SLC8A3: variants seen among roughly 807,000 people sequenced by gnomAD.
SLC8A3 encodes the protein solute carrier family 8 member A3, also known as sodium/calcium exchanger 3.
A neutral mutation model predicts 65.4 loss-of-function variants in SLC8A3; 37 were observed. The ratio of observed to expected loss-of-function variants is 0.57; its 90% CI spans 0.44 to 0.74. SLC8A3 has a LOEUF of 0.74. Among genes scored for constraint, SLC8A3 ranks in the 30% least tolerant of loss-of-function variants. The probability of loss-of-function intolerance (pLI) is 0.00; values close to 1 mark genes in which losing one functional copy is unlikely to be tolerated. For synonymous variants in SLC8A3, 461 were observed against 444.5 expected, an observed-to-expected ratio of 1.04 and a Z score of -0.47; for missense variants, 1,112 against 1,172.1, an observed-to-expected ratio of 0.95 and a Z score of 0.75.
chr14:70,055,563 T>C (rs1039058785), intron 3 of SLC8A3, among the ~76,000 whole-genome samples: 4 of 152,206 alleles, frequency 2.6e-5, no homozygotes, highest in African/African-American at 9.7e-5. Context: ...GGATCAGCTA[T>C]GCCTTAACCC....
At chr14:70,143,781 C>G (rs1895724088) in intron 2 of SLC8A3, among the ~76,000 whole-genome samples, 1 of 152,128 alleles carries the variant, frequency 6.6e-6, no homozygotes, top group Non-Finnish European at 1.5e-5. Flanking sequence ...TTCCAGAATC[C>G]CATACCCCTC....
chr14:70,046,322 A>G lies in SLC8A3; in HGVS notation c.2391T>C (p.Asp797=), dbSNP rs1410898685. 1 of 1,602,326 alleles carries G rather than the reference A, an allele frequency of 6.2e-7. No individual in the cohort carries two copies. The highest frequency in any genetic ancestry group is 8.5e-7 in the Non-Finnish European group (1 of 1,173,142). ...GGGCAGCAGCTTTGCTGGCAAACGT[A>G]TCTGGAAAAGGACAAAGACACATGG... ...VFVAFGTSVP[D]TFASKAAALQ... Residue 797 remains aspartate (D), a splice_region_variant and synonymous_variant, in exon 7 of 7, where the codon GAT becomes GAC. Transcript: ENST00000356921. This position sits in a 1 kb window ranked among gnomAD's most constrained non-coding sequence, Gnocchi z 4.2.
chr14:70,093,525 T>TTTG (rs750009641), intron 2 of SLC8A3, among the ~76,000 whole-genome samples: 2 of 152,206 alleles, frequency 1.3e-5, no homozygotes, highest in African/African-American at 2.4e-5. Context: ...ACGGCAACAC[T>TTTG]TTGTTGTTGT....
At chr14:70,057,854 C>T (rs1405714954) in intron 3 of SLC8A3, among the ~76,000 whole-genome samples, 1 of 151,940 alleles carries the variant, frequency 6.6e-6, no homozygotes, top group Non-Finnish European at 1.5e-5. Flanking sequence ...CCACGGTTGT[C>T]GAAAAAGGAG....
chr14:70,062,572 G>T (rs1199996647), intron 2 of SLC8A3, among the ~76,000 whole-genome samples: 2 of 152,184 alleles, frequency 1.3e-5, no homozygotes, highest in African/African-American at 4.8e-5. Flanking sequence ...CACCATCTAG[G>T]TTTGTGAAAG....
At chr14:70,084,500 G>C (rs1891284504) in intron 2 of SLC8A3, among the ~76,000 whole-genome samples, 1 of 152,132 alleles carries the variant, frequency 6.6e-6, no homozygotes, top group African/African-American at 2.4e-5. Flanking sequence ...CTCACACTCT[G>C]TTTAGTCAAG....
chr14:70,054,662 T>C (rs1397447244), intron 3 of SLC8A3, among the ~76,000 whole-genome samples: 1 of 152,104 alleles, frequency 6.6e-6, no homozygotes, highest in Admixed American at 6.5e-5. Context: ...GGATAGCCCT[T>C]ATTTTGTTGG....
At chr14:70,175,214 A>T (rs980560872) in intron 1 of SLC8A3, among the ~76,000 whole-genome samples, 4 of 152,172 alleles carry the variant, frequency 2.6e-5, no homozygotes, top group Non-Finnish European at 5.9e-5. Flanking sequence ...AACAGCAATG[A>T]TCATATATAT....
intron 2 of SLC8A3, among the ~76,000 whole-genome samples, chr14:70,163,971 C>A (rs1269626290): frequency 1.3e-5 from 2 of 152,174 alleles, no homozygotes; most frequent in African/African-American, 4.8e-5. Context: ...TAACCCCAAA[C>A]TGGCATGCTC....
At chr14:70,111,029 A>T (rs1349985176) in intron 2 of SLC8A3, among the ~76,000 whole-genome samples, 1 of 152,186 alleles carries the variant, frequency 6.6e-6, no homozygotes. Context: ...GTACATACCC[A>T]GCAGTGGGAT....
intron 2 of SLC8A3, among the ~76,000 whole-genome samples, chr14:70,153,786 C>T (rs1896416650): frequency 6.6e-6 from 1 of 152,222 alleles, no homozygotes; most frequent in Non-Finnish European, 1.5e-5. Flanking sequence ...CAGCTGAGCC[C>T]CTCCTGCTCT....
chr14:70,130,047 C>T (rs1442793304), intron 2 of SLC8A3, among the ~76,000 whole-genome samples: 1 of 152,148 alleles, frequency 6.6e-6, no homozygotes, highest in African/African-American at 2.4e-5. Flanking sequence ...TGAATCTTCT[C>T]ACTCTCTTTC....
At chr14:70,068,084 C>T (rs982017448) in intron 2 of SLC8A3, among the ~76,000 whole-genome samples, 3 of 152,172 alleles carry the variant, frequency 2.0e-5, no homozygotes, top group African/African-American at 4.8e-5. Flanking sequence ...AACCTGGAGA[C>T]GATTAGGAAA....
At chr14:70,057,716 T>C (rs1888322748) in intron 3 of SLC8A3, among the ~76,000 whole-genome samples, 1 of 152,172 alleles carries the variant, frequency 6.6e-6, no homozygotes, top group African/African-American at 2.4e-5. Flanking sequence ...AGCTGAACTT[T>C]CCCCTGTATT....
chr14:70,064,245 TAAAC>T (rs1889154942), intron 2 of SLC8A3, among the ~76,000 whole-genome samples: 1 of 152,148 alleles, frequency 6.6e-6, no homozygotes, highest in Non-Finnish European at 1.5e-5. Flanking sequence ...ATTTAACTGA[TAAAC>T]AAACAGGATG....
At chr14:70,174,651 G>GGTTTTTT (rs1555385182) in intron 1 of SLC8A3, among the ~76,000 whole-genome samples, 7 of 90,362 alleles carry the variant, frequency 7.7e-5, no homozygotes, top group African/African-American at 3.0e-4. Flanking sequence ...GACCAAATCC[G>GGTTTTTT]TTTTTTTTTT....
At chr14:70,057,107 C>T (rs1594900220) in intron 3 of SLC8A3, among the ~76,000 whole-genome samples, 1 of 152,108 alleles carries the variant, frequency 6.6e-6, no homozygotes, top group African/African-American at 2.4e-5. Flanking sequence ...TGTAGGAATG[C>T]AACTCAGGCC....
chr14:70,161,124 T>A (rs1332710659), intron 2 of SLC8A3, among the ~76,000 whole-genome samples: 3 of 145,268 alleles, frequency 2.1e-5, no homozygotes, highest in African/African-American at 7.5e-5. Flanking sequence ...CGTGGTGGTA[T>A]ATATATATAT....
intron 2 of SLC8A3, among the ~76,000 whole-genome samples, chr14:70,161,774 T>C (rs1347911275): frequency 6.6e-6 from 1 of 152,238 alleles, no homozygotes; most frequent in Non-Finnish European, 1.5e-5. Context: ...AAATCGATTG[T>C]GTTTTAGTTA....
Sources: gnomAD v4.1 joint callset for allele counts (sites outside exome capture counted in the v4.1 genomes callset) on GRCh38, gnomAD v4.1.1 for gene constraint, Gnocchi (gnomAD v3.1) non-coding constraint, MANE v1.5 for transcripts, NCBI Gene and HGNC (gene_info 2026-07-23, HGNC 2026-07-21) for gene names.